The following JARID2 variants were observed in gnomAD, a reference collection of about 807,000 sequenced individuals.
JARID2 encodes protein Jumonji.
A neutral mutation model predicts 125.6 loss-of-function variants in JARID2; 21 were observed. That is an observed-to-expected ratio of 0.17 (90% CI 0.12 to 0.24). The LOEUF (loss-of-function observed/expected upper bound fraction) is 0.24, where lower values mean the gene tolerates loss of function less well. JARID2 is among the 10% of genes least tolerant of loss of function. JARID2 has a pLI of 1.00. For synonymous variants in JARID2, 736 were observed against 661.6 expected, an observed-to-expected ratio of 1.11 and a Z score of -1.73; for missense variants, 1,303 against 1,639.6, an observed-to-expected ratio of 0.79 and a Z score of 3.55.
chr6:15,361,352 A>T (rs975796509), intron 1 of JARID2, among the ~76,000 whole-genome samples: 1 of 152,132 alleles, frequency 6.6e-6, no homozygotes, highest in Non-Finnish European at 1.5e-5. Context: ...AAAGTCTGCT[A>T]CTTCTTTGCT....
intron 3 of JARID2, among the ~76,000 whole-genome samples, chr6:15,430,119 C>G (rs569359428): frequency 2.0e-5 from 3 of 152,344 alleles, no homozygotes; most frequent in Non-Finnish European, 1.5e-5. Flanking sequence ...AATATAAAAA[C>G]ATTTAACCTC....
chr6:15,451,942 G>A lies in JARID2; in HGVS notation c.324-64G>A, dbSNP rs191602969. The A allele has an allele frequency of 6.1e-6, 9 of 1,470,090 alleles. No individual in the cohort carries two copies. In the East Asian group the frequency reaches 7.1e-5, roughly 12 times the overall value. The allele number at this position is 1,470,090 out of a possible 1,614,324, so 91.1% of individuals were successfully genotyped here. A position where few individuals can be genotyped will look rare whatever the true frequency, so the allele number is the denominator to read the frequency against. ...CCTTATGTGTCATGATTTTATTGCC[G>A]CACGTAGGCCTATATCCTCCAGTCT... On this transcript the variant is annotated intron_variant, in intron 3 of 17. Coordinates refer to ENST00000341776, the MANE Select transcript of JARID2 (RefSeq NM_004973.4).
intron 1 of JARID2, among the ~76,000 whole-genome samples, chr6:15,324,849 T>TAA (rs376782627): frequency 1.4e-5 from 2 of 139,948 alleles, no homozygotes; most frequent in Non-Finnish European, 1.6e-5. Flanking sequence ...GTTTTGTTAT[T>TAA]AAAAAAAAAA....
At chr6:15,265,895 T>TG (rs1045039916) in intron 1 of JARID2, among the ~76,000 whole-genome samples, 109 of 152,262 alleles carry the variant, frequency 7.2e-4, no homozygotes, top group African/African-American at 2.6e-3. Flanking sequence ...TCATGGAAAC[T>TG]GGAGGGCATG....
chr6:15,254,762 G>A (rs886930978), intron 1 of JARID2, among the ~76,000 whole-genome samples: 1 of 152,040 alleles, frequency 6.6e-6, no homozygotes, highest in Non-Finnish European at 1.5e-5. Flanking sequence ...CCACAGGGCC[G>A]GGCGCGGTGG....
intron 3 of JARID2, among the ~76,000 whole-genome samples, chr6:15,434,570 ATTCAT>A (rs1186114652): frequency 3.9e-5 from 6 of 152,236 alleles, no homozygotes; most frequent in African/African-American, 1.4e-4. Context: ...AAATGAACCC[ATTCAT>A]TTATCCAAGT....
At chr6:15,328,144 G>A (rs1762593032) in intron 1 of JARID2, among the ~76,000 whole-genome samples, 2 of 152,054 alleles carry the variant, frequency 1.3e-5, no homozygotes, top group African/African-American at 4.8e-5. Context: ...AATTTTAAGG[G>A]TCAGTGGCTT....
intron 2 of JARID2, 145 bp from the exon 3 acceptor site, chr6:15,410,079 C>A: frequency 3.1e-6 from 2 of 644,008 alleles, no homozygotes; most frequent in Non-Finnish European, 4.9e-6. Flanking sequence ...TTTTCTCCAC[C>A]CATTCAAAAG....
At chr6:15,364,259 A>G (rs1419088564) in intron 1 of JARID2, among the ~76,000 whole-genome samples, 1 of 152,160 alleles carries the variant, frequency 6.6e-6, no homozygotes, top group African/African-American at 2.4e-5. Context: ...CAGGGCCGTA[A>G]TTCTAACCAG....
intron 6 of JARID2, among the ~76,000 whole-genome samples, chr6:15,495,163 T>TTG (rs1561902665): frequency 6.6e-6 from 1 of 152,164 alleles, no homozygotes; most frequent in African/African-American, 2.4e-5. Flanking sequence ...CAGCAGCCCA[T>TTG]TGGGGTCCCT....
At position 15,507,384 on chromosome 6, in the gene JARID2, G is replaced by A; in HGVS notation, c.2699G>A (p.Gly900Glu). The stretch of plus-strand genomic sequence containing the variant: ...CTCACCGTCCTCCCCAATAACACAG[G>A]GTCCATCCTGCGTCACCTCGGTGCT... Reference protein sequence around the residue: ...WNLTVLPNNTGSILRHLGAVP... With the variant: ...WNLTVLPNNTESILRHLGAVP... Residue 900 changes from glycine to glutamate, a missense_variant, in exon 11 of 18, where the codon GGG becomes GAG. Around this residue, in one of 11 missense-constraint regions of JARID2, gnomAD observed 27 missense variants for 108.7 expected, o/e 0.25. Transcript: ENST00000341776. The A allele has an allele frequency of 6.2e-7, 1 of 1,614,104 alleles. No homozygotes were observed. Among genetic ancestry groups the A allele is most frequent in the Non-Finnish European group, 8.5e-7 (1 of 1,179,986 alleles).
At chr6:15,507,302 C>T (rs779491337) in intron 10 of JARID2, 44 bp from the exon 11 acceptor site, 5 of 1,604,394 alleles carry the variant, frequency 3.1e-6, no homozygotes, top group Non-Finnish European at 4.3e-6. Flanking sequence ...TGACTGCATC[C>T]TTTCCCCGCC....
intron 3 of JARID2, among the ~76,000 whole-genome samples, chr6:15,426,059 C>T (rs1220318100): frequency 6.6e-6 from 1 of 152,118 alleles, no homozygotes; most frequent in African/African-American, 2.4e-5. Flanking sequence ...TTTCTGTGAA[C>T]ATGGTAGCTG....
chr6:15,358,844 C>T (rs893433690), intron 1 of JARID2, among the ~76,000 whole-genome samples: 1 of 152,174 alleles, frequency 6.6e-6, no homozygotes, highest in Non-Finnish European at 1.5e-5. Context: ...TGCCAGGAGG[C>T]TGATTTGGGA....
intron 4 of JARID2, among the ~76,000 whole-genome samples, chr6:15,458,266 T>C (rs1768280912): frequency 6.6e-6 from 1 of 152,178 alleles, no homozygotes; most frequent in South Asian, 2.1e-4. Context: ...GATTCTCTTA[T>C]TTACATTTTC....
intron 4 of JARID2, among the ~76,000 whole-genome samples, chr6:15,458,403 A>G (rs1768289157): frequency 6.6e-6 from 1 of 152,152 alleles, no homozygotes; most frequent in African/African-American, 2.4e-5. Flanking sequence ...GGCACAGTGA[A>G]GAGAGTGTTA....
intron 1 of JARID2, among the ~76,000 whole-genome samples, chr6:15,260,472 A>G (rs1759826923): frequency 6.6e-6 from 1 of 152,226 alleles, no homozygotes; most frequent in South Asian, 2.1e-4. Flanking sequence ...GGCTTGCCTA[A>G]GTGTCCCAGA....
chr6:15,473,639 T>G (rs982197787), intron 5 of JARID2, among the ~76,000 whole-genome samples: 68 of 151,940 alleles, frequency 4.5e-4, no homozygotes, highest in African/African-American at 1.6e-3. Flanking sequence ...TGTGTATATT[T>G]ATGGGTTTTA....
intron 1 of JARID2, among the ~76,000 whole-genome samples, chr6:15,317,816 G>A (rs747471941): frequency 1.3e-5 from 2 of 152,282 alleles, no homozygotes; most frequent in East Asian, 1.9e-4. Context: ...CACAGCTGGC[G>A]CGTGGAGAGC....
Sources: allele counts gnomAD v4.1 joint callset (sites outside exome capture counted in the v4.1 genomes callset), GRCh38; gene constraint gnomAD v4.1.1; regional missense constraint gnomAD v4.1.1; transcripts MANE v1.5; gene names NCBI Gene and HGNC (gene_info 2026-07-23, HGNC 2026-07-21).